ABCB5: variants seen among roughly 807,000 people sequenced by gnomAD.
ABCB5 encodes ATP binding cassette subfamily B member 5, also known as ATP-binding cassette sub-family B member 5.
Under a neutral mutation model 144.2 loss-of-function variants are expected in ABCB5, and 155 were observed. The ratio of observed to expected loss-of-function variants is 1.08; its 90% CI spans 0.94 to 1.23. ABCB5 has a LOEUF of 1.23. Among genes scored for constraint, ABCB5 ranks in the 50% most tolerant of loss-of-function variants. The probability of loss-of-function intolerance (pLI) is 0.00; values close to 1 mark genes in which losing one functional copy is unlikely to be tolerated. For synonymous variants in ABCB5, 610 were observed against 528.6 expected, an observed-to-expected ratio of 1.15 and a Z score of -2.11; for missense variants, 1,830 against 1,520.8, an observed-to-expected ratio of 1.20 and a Z score of -3.38.
intron 5 of ABCB5, among the ~76,000 whole-genome samples, chr7:20,635,258 C>T (rs6946164): frequency 1.4e-3 from 212 of 151,970 alleles, no homozygotes; most frequent in African/African-American, 4.9e-3. Context: ...TTTCCTTGAT[C>T]TATGTGTCTA....
intron 3 of ABCB5, 44 bp from the exon 4 acceptor site, chr7:20,628,644 G>A (rs1783962442): frequency 6.3e-6 from 10 of 1,583,402 alleles, no homozygotes; most frequent in Non-Finnish European, 8.6e-6. Context: ...TGGTGTGTTT[G>A]TTTGTTTTAC....
intron 14 of ABCB5, among the ~76,000 whole-genome samples, chr7:20,679,220 C>T (rs1194678664): frequency 6.6e-6 from 1 of 152,002 alleles, no homozygotes; most frequent in Non-Finnish European, 1.5e-5. Context: ...GTAATCCCAG[C>T]ACTTTGGGAT....
intron 4 of ABCB5, among the ~76,000 whole-genome samples, chr7:20,631,254 C>T (rs1784031376): frequency 1.3e-5 from 2 of 152,090 alleles, no homozygotes; most frequent in East Asian, 3.8e-4. Context: ...TCATTGAAAT[C>T]TCCATTTCTG....
chr7:20,705,652 A>G (rs1025736184), intron 20 of ABCB5, among the ~76,000 whole-genome samples: 1 of 152,220 alleles, frequency 6.6e-6, no homozygotes, highest in Non-Finnish European at 1.5e-5. Context: ...GAATAACAGA[A>G]AAATCTTACA....
rs115049923 is a variant in ABCB5 at position 20,740,438 on chromosome 7, A to G, written c.3024+1299A>G. 8.1e-3 allele frequency among the ~76,000 whole-genome samples: 1,231 copies of G among 152,290 alleles called. 15 individuals are homozygous for G. The highest frequency in any genetic ancestry group is 0.028 in the African/African-American group (1,162 of 41,550). Reference sequence around the variant, plus strand: ...GTATGACAGCTTAAAATACAGCATTACTAGAGCTACACAATGGTTAAGAAG... The same window carrying G: ...GTATGACAGCTTAAAATACAGCATTGCTAGAGCTACACAATGGTTAAGAAG... On this transcript the variant is annotated intron_variant, in intron 24 of 27. Coordinates refer to ENST00000404938, the MANE Select transcript of ABCB5 (RefSeq NM_001163941.2).
intron 5 of ABCB5, among the ~76,000 whole-genome samples, chr7:20,637,989 C>A (rs891532632): frequency 1.3e-5 from 2 of 152,094 alleles, no homozygotes; most frequent in African/African-American, 4.8e-5. Context: ...TGCTGAAATT[C>A]TTCTTCTCCA....
intron 23 of ABCB5, among the ~76,000 whole-genome samples, chr7:20,732,058 C>A (rs563439914): frequency 7.4e-4 from 112 of 152,300 alleles, no homozygotes; most frequent in Non-Finnish European, 1.4e-3. Context: ...ACCTGAAAGA[C>A]CTTCATGATG....
chr7:20,729,088 G>C (rs1296258820), intron 23 of ABCB5, among the ~76,000 whole-genome samples: 1 of 152,006 alleles, frequency 6.6e-6, no homozygotes, highest in Non-Finnish European at 1.5e-5. Flanking sequence ...TATTTATGGG[G>C]TACAATGGGA....
chr7:20,709,891 A>G (rs1786962398), intron 20 of ABCB5, among the ~76,000 whole-genome samples: 1 of 148,706 alleles, frequency 6.7e-6, no homozygotes, highest in Non-Finnish European at 1.5e-5. Flanking sequence ...GGCTGCCAAC[A>G]TGGTGAAACC....
chr7:20,637,413 T>C (rs930595914), intron 5 of ABCB5, among the ~76,000 whole-genome samples: 1 of 145,128 alleles, frequency 6.9e-6, no homozygotes, highest in African/African-American at 2.6e-5. Flanking sequence ...CAAAAGTTGA[T>C]TACTTAATTT....
At position 20,647,415 on chromosome 7, in the gene ABCB5, T is replaced by C; in HGVS notation, c.982-120T>C. 2 of 1,391,842 alleles carry C rather than the reference T, an allele frequency of 1.4e-6. 1 individual carries two copies. The highest frequency in any genetic ancestry group is 1.9e-6 in the Non-Finnish European group (2 of 1,077,654). The allele number at this position is 1,391,842 out of a possible 1,614,324, so 86.2% of individuals were successfully genotyped here. A position where few individuals can be genotyped will look rare whatever the true frequency, so the allele number is the denominator to read the frequency against. ...TTTTATTTGGTCATATCTTCCATTC[T>C]TTCTTACCTAATTCCTCTAATATCT... On this transcript the variant is annotated intron_variant, in intron 9 of 27. Transcript: ENST00000404938.
chr7:20,638,613 T>C (rs1426078751), intron 5 of ABCB5, among the ~76,000 whole-genome samples: 1 of 152,228 alleles, frequency 6.6e-6, no homozygotes, highest in African/African-American at 2.4e-5. Context: ...ATATAATATG[T>C]AAGGTTCTTG....
In ABCB5 at chr7:20,622,097, C is replaced by A. The variant is rs140374367; in HGVS notation, c.-21-1168C>A. 2.0e-3 allele frequency among the ~76,000 whole-genome samples: 304 copies of A among 152,200 alleles called. 1 individual carries two copies. Among genetic ancestry groups the A allele is most frequent in the African/African-American group, 7.1e-3 (294 of 41,558 alleles). ...TTGGTAAAGCACAGTTATGAAAGTGCAGCTCATTATTTATTGAGAATAGAA... is the reference window on the plus strand; with the variant it reads ...TTGGTAAAGCACAGTTATGAAAGTGAAGCTCATTATTTATTGAGAATAGAA... On this transcript the variant is annotated intron_variant, in intron 1 of 27. Transcript: ENST00000404938.
chr7:20,620,819 G>A (rs1783791894), intron 1 of ABCB5, among the ~76,000 whole-genome samples: 1 of 152,054 alleles, frequency 6.6e-6, no homozygotes, highest in Non-Finnish European at 1.5e-5. Flanking sequence ...CAGCTGCTAA[G>A]AAAAACAGTA....
chr7:20,723,808 G>A (rs1781948445), intron 21 of ABCB5, among the ~76,000 whole-genome samples: 1 of 152,090 alleles, frequency 6.6e-6, no homozygotes, highest in Admixed American at 6.5e-5. Context: ...TGAATGCAAG[G>A]CCATGCACTG....
intron 15 of ABCB5, among the ~76,000 whole-genome samples, chr7:20,683,552 T>C (rs531469935): frequency 1.3e-5 from 2 of 150,678 alleles, no homozygotes; most frequent in South Asian, 2.1e-4. Flanking sequence ...AAATCCATTA[T>C]AGGTCTTAAG....
chr7:20,715,242 C>T (rs141755550), intron 20 of ABCB5, among the ~76,000 whole-genome samples: 47 of 152,188 alleles, frequency 3.1e-4, no homozygotes, highest in Non-Finnish European at 5.4e-4. Flanking sequence ...AATGGAGTTT[C>T]ACCACATTGG....
intron 10 of ABCB5, 71 bp from the exon 11 acceptor site, chr7:20,647,897 C>T: frequency 2.6e-6 from 3 of 1,150,946 alleles, no homozygotes; most frequent in African/African-American, 1.5e-5. Context: ...CATCCTTATA[C>T]TATTTTTAAA....
chr7:20,620,842 A>G lies in ABCB5; in HGVS notation c.-21-2423A>G, dbSNP rs148856157. Among the ~76,000 whole-genome samples the G allele has an allele frequency of 2.4e-3, 363 of 152,280 alleles. 3 individuals are homozygous for G. The highest frequency in any genetic ancestry group is 8.3e-3 in the African/African-American group (345 of 41,574). On this transcript the variant is annotated intron_variant, in intron 1 of 27. Transcript: ENST00000404938. ...AAGAAAAACAGTATGAATATTTCTCAAAAAGTTAAACATAGACTAACCGCT... is the reference window on the plus strand; with the variant it reads ...AAGAAAAACAGTATGAATATTTCTCGAAAAGTTAAACATAGACTAACCGCT...
Sources: allele counts gnomAD v4.1 joint callset (sites outside exome capture counted in the v4.1 genomes callset), GRCh38; gene constraint gnomAD v4.1.1; transcripts MANE v1.5; gene names NCBI Gene and HGNC (gene_info 2026-07-23, HGNC 2026-07-21).